Variants in RALGAPA1 observed in about 807,000 individuals in gnomAD.
RALGAPA1 encodes the protein Ral GTPase activating protein catalytic subunit alpha 1, also known as ral GTPase-activating protein subunit alpha-1.
In RALGAPA1, 52 loss-of-function variants were observed where a neutral mutation model predicts 269.6. That is an observed-to-expected ratio of 0.19 (90% CI 0.15 to 0.24). RALGAPA1 has a LOEUF of 0.24. RALGAPA1 is among the 10% of genes least tolerant of loss of function. The pLI is 1.00. For missense variants in RALGAPA1, 1,917 were observed against 3,013.9 expected (o/e 0.64, Z 8.52); for synonymous variants, 817 against 1,008.3 (o/e 0.81, Z 3.60).
At position 35,541,618 on chromosome 14, in the gene RALGAPA1, C is replaced by A. The variant is rs1410616484; in HGVS notation, c.*24-1928G>T. On this transcript the variant is annotated intron_variant, in intron 41 of 41. Transcript: ENST00000680220. ...TATGGGAGAATATGAATCCATGACC[C>A]CCTTTAGGGAAGCACTGCAGATGGA... The A allele has an allele frequency of 7.4e-6, 3 of 403,764 alleles. No homozygotes were observed. In the Admixed American group the frequency reaches 8.5e-5, roughly 11 times the overall value. 25.0% of individuals were successfully genotyped at this position (403,764 alleles called of 1,614,324 possible). A position where few individuals can be genotyped will look rare whatever the true frequency, so the allele number is the denominator to read the frequency against.
At chr14:35,549,332 T>C (rs1333186112) in intron 39 of RALGAPA1, 98 bp from the exon 40 acceptor site, 5 of 1,221,462 alleles carry the variant, frequency 4.1e-6, no homozygotes, top group Non-Finnish European at 5.6e-6. Flanking sequence ...CATTACTTCT[T>C]AATAAATAGA....
At chr14:35,719,899 T>C (rs2069223112) in intron 16 of RALGAPA1, among the ~76,000 whole-genome samples, 1 of 151,992 alleles carries the variant, frequency 6.6e-6, no homozygotes, top group Admixed American at 6.6e-5. Context: ...TACAGGCACA[T>C]GCCACCATGC....
chr14:35,628,237 G>T (rs936640237), intron 33 of RALGAPA1, among the ~76,000 whole-genome samples: 6 of 152,118 alleles, frequency 3.9e-5, no homozygotes, highest in Non-Finnish European at 5.9e-5. Flanking sequence ...AATCAATCAT[G>T]AAATCACTAA....
intron 1 of RALGAPA1, among the ~76,000 whole-genome samples, chr14:35,791,492 A>G (rs1247369030): frequency 1.3e-5 from 2 of 152,096 alleles, no homozygotes; most frequent in Non-Finnish European, 2.9e-5. Context: ...CTGTAATCCC[A>G]GCAACTCGGG....
intron 36 of RALGAPA1, among the ~76,000 whole-genome samples, chr14:35,601,997 A>T (rs2059318253): frequency 1.3e-5 from 2 of 152,074 alleles, no homozygotes; most frequent in African/African-American, 4.8e-5. Context: ...AACTAGCCCT[A>T]AGCAACCATT....
intron 37 of RALGAPA1, among the ~76,000 whole-genome samples, chr14:35,584,516 C>T (rs2058152834): frequency 6.6e-6 from 1 of 152,194 alleles, no homozygotes; most frequent in Non-Finnish European, 1.5e-5. Flanking sequence ...CTGCCAGCCT[C>T]TGCCTTCCAA....
intron 1 of RALGAPA1, among the ~76,000 whole-genome samples, chr14:35,777,292 C>CAT (rs1253110062): frequency 6.6e-6 from 1 of 152,062 alleles, no homozygotes; most frequent in Non-Finnish European, 1.5e-5. Flanking sequence ...AAGCTTAGAG[C>CAT]ATTTTAATAA....
At chr14:35,747,996 ATAAAAACCTCCCT>A (rs1355698065) in intron 10 of RALGAPA1, among the ~76,000 whole-genome samples, 1 of 152,214 alleles carries the variant, frequency 6.6e-6, no homozygotes, top group East Asian at 1.9e-4. Context: ...GGTAAAAGCA[ATAAAAACCTCCCT>A]TCTTATATCA....
rs369238925 is a variant in RALGAPA1, at chr14:35,625,396, T to A, written c.6894A>T (p.Leu2298=). The change falls in exon 35 of 42, where the codon CTA becomes CTT. Residue 2298 remains leucine (L), a synonymous_variant. Transcript: ENST00000680220. ...AATCCAAGTTCCTAAGTTCTCTAAG[T>A]AGCTTTTCATTTTTCTTCAGGAGAT... The part of the protein sequence containing the change: ...SFHLLKKNEK[L]LRELRNLDSR... 1 of 1,610,810 alleles carries A rather than the reference T, an allele frequency of 6.2e-7. No homozygotes were observed. Among genetic ancestry groups the A allele is most frequent in the East Asian group, 2.2e-5 (1 of 44,770 alleles).
intron 35 of RALGAPA1, among the ~76,000 whole-genome samples, chr14:35,610,483 C>T (rs914814527): frequency 5.3e-5 from 8 of 151,990 alleles, no homozygotes; most frequent in Non-Finnish European, 8.8e-5. Context: ...GGGGTTTCAC[C>T]GTGTTAGCCA....
chr14:35,664,204 T>C (rs572802181), intron 27 of RALGAPA1, among the ~76,000 whole-genome samples: 2 of 152,308 alleles, frequency 1.3e-5, no homozygotes, highest in Admixed American at 1.3e-4. Context: ...ACATGGGATC[T>C]CCATCCCAAC....
At chr14:35,654,175 C>G (rs887116808) in intron 30 of RALGAPA1, among the ~76,000 whole-genome samples, 192 bp downstream of exon 30, 2 of 152,076 alleles carry the variant, frequency 1.3e-5, no homozygotes, top group African/African-American at 4.8e-5. Flanking sequence ...TGTCCAAAAC[C>G]AGGAATGCAA....
chr14:35,798,926 G>A (rs2076766009), intron 1 of RALGAPA1, among the ~76,000 whole-genome samples: 1 of 151,742 alleles, frequency 6.6e-6, no homozygotes, highest in African/African-American at 2.4e-5. Context: ...AACCAAGGAG[G>A]TGGAAGTAGT....
intron 1 of RALGAPA1, among the ~76,000 whole-genome samples, chr14:35,807,283 C>G (rs572587254): frequency 7.2e-5 from 11 of 152,096 alleles, no homozygotes; most frequent in Non-Finnish European, 1.2e-4. Context: ...GTCCTATTCT[C>G]GGCTAAATCT....
At chr14:35,660,943 G>A (rs925596614) in intron 27 of RALGAPA1, among the ~76,000 whole-genome samples, 4 of 152,136 alleles carry the variant, frequency 2.6e-5, no homozygotes, top group African/African-American at 7.2e-5. Flanking sequence ...AGAGTAGAAC[G>A]GTAGTTAGCA....
chr14:35,724,625 ATAAAAAGACAGTTTTTCC>A (rs2069723217), intron 14 of RALGAPA1, among the ~76,000 whole-genome samples: 1 of 152,204 alleles, frequency 6.6e-6, no homozygotes, highest in Non-Finnish European at 1.5e-5. Context: ...ACAGAATAAC[ATAAAAAGACAGTTTTTCC>A]TAGCAGTCCC....
intron 31 of RALGAPA1, among the ~76,000 whole-genome samples, chr14:35,651,326 C>A (rs1216285580): frequency 1.3e-5 from 2 of 152,068 alleles, no homozygotes; most frequent in Non-Finnish European, 2.9e-5. Context: ...AATACAATAT[C>A]TGAAAAAATT....
chr14:35,766,413 G>A (rs2074155110), intron 4 of RALGAPA1: 1 of 1,573,964 alleles, frequency 6.4e-7, no homozygotes, highest in African/African-American at 1.4e-5. Flanking sequence ...ATCAAGTGAA[G>A]TACAGTCTCT....
At chr14:35,685,282 A>G in intron 19 of RALGAPA1, 137 bp from the exon 20 acceptor site, 1 of 760,696 alleles carries the variant, frequency 1.3e-6, no homozygotes, top group South Asian at 1.9e-5. Context: ...CACACTCACC[A>G]AACAATCTAT....
Sources: gnomAD v4.1 joint callset for allele counts (sites outside exome capture counted in the v4.1 genomes callset) on GRCh38, gnomAD v4.1.1 for gene constraint, MANE v1.5 for transcripts, NCBI Gene and HGNC (gene_info 2026-07-23, HGNC 2026-07-21) for gene names.